The following FER variants were observed in gnomAD, a reference collection of about 807,000 sequenced individuals.
FER encodes the protein tyrosine-protein kinase Fer.
In FER, 63 loss-of-function variants were observed where a neutral mutation model predicts 111.0. That is an observed-to-expected ratio of 0.57 (90% confidence interval 0.46 to 0.70). The LOEUF is 0.70. FER is among the 30% of genes least tolerant of loss of function. The pLI is 0.00. For synonymous variants in FER, 327 were observed against 313.9 expected (o/e 1.04, Z -0.44); for missense variants, 914 against 954.0 (o/e 0.96, Z 0.55).
Position 109,107,704 on chromosome 5 carries a change from A to C in FER, c.2048+7185A>C, listed in dbSNP as rs527784697. On this transcript the variant is annotated intron_variant, in intron 17 of 19. Transcript: ENST00000281092. ...TTCTTGAAACTAGTAACCGGGAAGC[A>C]GTCAGGGACCAAGGCAGGATCTCTT... 2.6e-5 allele frequency among the ~76,000 whole-genome samples: 4 copies of C among 152,250 alleles called. No individual in the cohort carries two copies. The East Asian group carries it at 7.7e-4, about 29-fold the overall frequency.
At chr5:108,839,582 T>C (rs905698425) in intron 5 of FER, among the ~76,000 whole-genome samples, 4 of 143,904 alleles carry the variant, frequency 2.8e-5, no homozygotes, top group Non-Finnish European at 4.6e-5. Context: ...CTTTTTTTTT[T>C]TTTTTTTTTT....
intron 10 of FER, among the ~76,000 whole-genome samples, chr5:108,931,780 A>G (rs531000409): frequency 2.5e-4 from 38 of 152,264 alleles, no homozygotes; most frequent in Middle Eastern, 6.8e-3. Context: ...CAGTGAGCCA[A>G]GAATGCACCA....
intron 5 of FER, among the ~76,000 whole-genome samples, chr5:108,844,069 TGTGTGAACATATATGC>T: frequency 7.7e-6 from 1 of 129,828 alleles, no homozygotes; most frequent in South Asian, 2.4e-4. Context: ...CATATATATG[TGTGTGAACATATATGC>T]GTGTGAACAT....
chr5:109,067,276 C>T (rs894758133), intron 16 of FER, among the ~76,000 whole-genome samples: 7 of 148,342 alleles, frequency 4.7e-5, no homozygotes, highest in African/African-American at 1.5e-4. Flanking sequence ...GTTGCTGCTG[C>T]TGCTGCTGTT....
At chr5:108,953,939 G>A (rs894447727) in intron 11 of FER, among the ~76,000 whole-genome samples, 7 of 152,046 alleles carry the variant, frequency 4.6e-5, no homozygotes, top group Non-Finnish European at 8.8e-5. Context: ...CAGAAAATGT[G>A]TGATTTAATC....
intron 13 of FER, among the ~76,000 whole-genome samples, chr5:108,990,312 T>C (rs1174946801): frequency 6.6e-6 from 1 of 151,886 alleles, no homozygotes; most frequent in Non-Finnish European, 1.5e-5. Flanking sequence ...AATCAAACTT[T>C]AAAAAATATG....
At chr5:109,073,931 A>G (rs1368297387) in intron 16 of FER, among the ~76,000 whole-genome samples, 1 of 152,140 alleles carries the variant, frequency 6.6e-6, no homozygotes, top group Non-Finnish European at 1.5e-5. Context: ...TTACTTGGAT[A>G]AAGCTTTAAA....
intron 18 of FER, among the ~76,000 whole-genome samples, chr5:109,185,068 T>TGGAAACTCTTAGCTTCTTGGAGA (rs1435180951): frequency 6.6e-6 from 1 of 152,214 alleles, no homozygotes; most frequent in Admixed American, 6.5e-5. Flanking sequence ...GGGAACATCT[T>TGGAAACTCTTAGCTTCTTGGAGA]GGAAACTCTT....
At chr5:108,980,183 G>A (rs545671215) in intron 13 of FER, among the ~76,000 whole-genome samples, 13 of 152,152 alleles carry the variant, frequency 8.5e-5, no homozygotes, top group African/African-American at 2.9e-4. Context: ...GAGATCAAAA[G>A]GATGAAGTTA....
intron 17 of FER, among the ~76,000 whole-genome samples, chr5:109,147,800 T>TAGAGAGAGAG (rs750473377): frequency 1.7e-5 from 2 of 118,608 alleles, no homozygotes; most frequent in African/African-American, 6.4e-5. Context: ...TATATATATA[T>TAGAGAGAGAG]AGAGAGAGAG....
In FER at chr5:109,075,585, G is replaced by A. The variant is rs937211742; in HGVS notation, c.1925-24811G>A. Among the ~76,000 whole-genome samples the A allele has an allele frequency of 1.1e-4, 16 of 151,838 alleles. No individual in the cohort carries two copies. In the East Asian group the frequency reaches 2.7e-3, roughly 26 times the overall value. On this transcript the variant is annotated intron_variant, in intron 16 of 19. Transcript: ENST00000281092. ...ACTACAGGTGCCTGCCACCACACCCGGATAATTTTTTGTATTTTTAGTAGA... is the reference window on the plus strand; with the variant it reads ...ACTACAGGTGCCTGCCACCACACCCAGATAATTTTTTGTATTTTTAGTAGA...
At chr5:108,972,563 T>G (rs1043470506) in intron 13 of FER, among the ~76,000 whole-genome samples, 2 of 152,208 alleles carry the variant, frequency 1.3e-5, no homozygotes, top group Admixed American at 1.3e-4. Flanking sequence ...TGTACTATGT[T>G]AGTTTTGTAT....
intron 13 of FER, among the ~76,000 whole-genome samples, chr5:108,960,658 T>G (rs886668801): frequency 1.3e-5 from 2 of 152,162 alleles, no homozygotes; most frequent in African/African-American, 4.8e-5. Flanking sequence ...TTCTCATGGC[T>G]TTATTTACTA....
At chr5:109,076,916 G>T (rs1300641648) in intron 16 of FER, among the ~76,000 whole-genome samples, 1 of 152,156 alleles carries the variant, frequency 6.6e-6, no homozygotes, top group Non-Finnish European at 1.5e-5. Context: ...TTATTTTCAT[G>T]CCGTCATTAT....
rs548347228 is a variant in FER, at chr5:108,839,609, G to A, written c.481+3802G>A. ...TTTTTTTTTTTTGAGACGGAGCCTCGCTCTGCCTCCCAGGCTGGAGTGCAG... is the reference window on the plus strand; with the variant it reads ...TTTTTTTTTTTTGAGACGGAGCCTCACTCTGCCTCCCAGGCTGGAGTGCAG... On this transcript the variant is annotated intron_variant, in intron 5 of 19. Coordinates refer to ENST00000281092, the MANE Select transcript of FER (RefSeq NM_005246.4). 2.5e-3 allele frequency among the ~76,000 whole-genome samples: 291 copies of A among 116,924 alleles called. 3 individuals are homozygous for A. The highest frequency in any genetic ancestry group is 9.2e-3 in the African/African-American group (267 of 29,152). The allele number at this position is 116,924 out of a possible 152,430, so 76.7% of individuals were successfully genotyped here. A position where few individuals can be genotyped will look rare whatever the true frequency, so the allele number is the denominator to read the frequency against.
chr5:108,845,030 A>G (rs1580839443), intron 5 of FER, among the ~76,000 whole-genome samples: 3 of 56,162 alleles, frequency 5.3e-5, no homozygotes, highest in African/African-American at 6.3e-5. Flanking sequence ...ATATATATAT[A>G]TATATATATA....
rs1171699625 is a variant in FER at position 108,832,777 on chromosome 5, T to C, written c.215T>C (p.Leu72Pro). 7.5e-6 allele frequency: 11 copies of C among 1,469,140 alleles called. No homozygotes were observed. Among genetic ancestry groups the C allele is most frequent in the Non-Finnish European group, 9.9e-6 (11 of 1,106,744 alleles). The allele number at this position is 1,469,140 out of a possible 1,614,324, so 91.0% of individuals were successfully genotyped here. Residue 72 changes from leucine to proline, a missense_variant, in exon 4 of 20, where the codon CTA becomes CCA. By Grantham distance (98) the Leu-to-Pro change is moderately conservative. This residue lies in a region of FER where 774 missense variants were observed against 782.6 expected (regional missense o/e 0.99). Transcript: ENST00000281092. Reference protein sequence around the residue: ...NYVSNVSKSWLLMIQQTEQLS... With the variant: ...NYVSNVSKSWPLMIQQTEQLS... ...TTTTTTTTTTTTTTTAAGTCTTGGC[T>C]ACTTATGATTCAGCAGACAGAACAA...
intron 10 of FER, among the ~76,000 whole-genome samples, chr5:108,922,298 TACA>T (rs1169884633): frequency 1.3e-5 from 2 of 152,174 alleles, no homozygotes; most frequent in African/African-American, 4.8e-5. Flanking sequence ...AGGGAATTAG[TACA>T]ACATCTGTTG....
Position 109,162,377 on chromosome 5 carries a change from A to AT in FER, c.2049-18369dup, listed in dbSNP as rs577587929. On this transcript the variant is annotated intron_variant, in intron 17 of 19. Transcript: ENST00000281092. The stretch of plus-strand genomic sequence containing the variant: ...TGGGATAATATCTTAAAATACAAAA[A>AT]TAGTTTATTGAATTTTACTTGTACT... 3.2e-4 allele frequency among the ~76,000 whole-genome samples: 48 copies of AT among 152,256 alleles called. 1 individual carries two copies. The South Asian group carries it at 9.5e-3, about 30-fold the overall frequency.
Sources: gnomAD v4.1 joint callset for allele counts (sites outside exome capture counted in the v4.1 genomes callset) on GRCh38, gnomAD v4.1.1 for gene constraint, gnomAD v4.1.1 regional missense constraint, MANE v1.5 for transcripts, NCBI Gene and HGNC (gene_info 2026-07-23, HGNC 2026-07-21) for gene names.